Variants in KHDRBS2 observed in about 807,000 individuals in gnomAD.
KHDRBS2 encodes the protein KH RNA binding domain containing, signal transduction associated 2, also known as KH domain-containing, RNA-binding, signal transduction-associated protein 2.
Under a neutral mutation model 44.3 loss-of-function variants are expected in KHDRBS2, and 26 were observed. The observed-to-expected ratio is 0.59, with a 90% CI of 0.43 to 0.81. The LOEUF is 0.81. KHDRBS2 is among the 40% of genes least tolerant of loss of function. KHDRBS2 has a pLI of 0.00. For synonymous variants in KHDRBS2, 194 were observed against 151.1 expected (o/e 1.28, Z -2.08); for missense variants, 476 against 433.1 (o/e 1.10, Z -0.88).
chr6:62,208,603 G>A (rs1828456481), intron 1 of KHDRBS2, among the ~76,000 whole-genome samples: 1 of 151,988 alleles, frequency 6.6e-6, no homozygotes, highest in South Asian at 2.1e-4. Flanking sequence ...ATTCAGAAGG[G>A]GGCTTGCTGG....
chr6:61,836,313 A>C (rs1792657780), intron 6 of KHDRBS2, among the ~76,000 whole-genome samples: 1 of 152,150 alleles, frequency 6.6e-6, no homozygotes, highest in African/African-American at 2.4e-5. Context: ...TGTATTCCAT[A>C]AACACACGCA....
the KHDRBS2 span, among the ~76,000 whole-genome samples, chr6:61,551,016 T>C: frequency 2.0e-5 from 3 of 152,132 alleles, no homozygotes; most frequent in Admixed American, 1.3e-4. Flanking sequence ...TCGAGTGATA[T>C]GCCTATTGCG....
chr6:61,803,441 T>C (rs1786611691), intron 6 of KHDRBS2, among the ~76,000 whole-genome samples: 1 of 152,182 alleles, frequency 6.6e-6, no homozygotes, highest in Admixed American at 6.6e-5. Flanking sequence ...TATATATTTG[T>C]ATACTTTCAA....
chr6:62,152,331 A>G (rs1350338158), intron 2 of KHDRBS2, among the ~76,000 whole-genome samples: 1 of 152,172 alleles, frequency 6.6e-6, no homozygotes, highest in Non-Finnish European at 1.5e-5. Flanking sequence ...AACAAAAACA[A>G]AAAACAAACA....
chr6:61,627,229 G>T, the KHDRBS2 span, among the ~76,000 whole-genome samples: 1 of 126,544 alleles, frequency 7.9e-6, no homozygotes, highest in African/African-American at 3.1e-5. Flanking sequence ...CTCCAGCCTG[G>T]GCGACAGAGC....
the KHDRBS2 span, among the ~76,000 whole-genome samples, chr6:61,624,406 T>C: frequency 6.6e-6 from 1 of 152,208 alleles, no homozygotes; most frequent in East Asian, 1.9e-4. Context: ...TACATTGGTG[T>C]TGTTCCTTTC....
intron 2 of KHDRBS2, among the ~76,000 whole-genome samples, chr6:62,073,865 C>T (rs1795804830): frequency 6.6e-6 from 1 of 151,708 alleles, no homozygotes; most frequent in Admixed American, 6.6e-5. Flanking sequence ...ACTCTCTATT[C>T]CAAATAAAGT....
intron 2 of KHDRBS2, among the ~76,000 whole-genome samples, chr6:62,145,626 A>T (rs1427264689): frequency 2.0e-5 from 3 of 151,854 alleles, no homozygotes; most frequent in Admixed American, 6.6e-5. Flanking sequence ...TTAGCTATTA[A>T]TTCTAGTTTA....
At chr6:62,066,250 T>C (rs1170728386) in intron 2 of KHDRBS2, among the ~76,000 whole-genome samples, 1 of 151,736 alleles carries the variant, frequency 6.6e-6, no homozygotes, top group Admixed American at 6.6e-5. Flanking sequence ...AAAATGTTTC[T>C]AGAGTTCTAT....
intron 6 of KHDRBS2, among the ~76,000 whole-genome samples, chr6:61,761,901 A>G (rs1779324628): frequency 6.6e-6 from 1 of 152,158 alleles, no homozygotes; most frequent in African/African-American, 2.4e-5. Flanking sequence ...ATTTTCTGTA[A>G]TATCTGTTAT....
chr6:61,976,032 C>T (rs1772574373), intron 4 of KHDRBS2, among the ~76,000 whole-genome samples: 1 of 152,156 alleles, frequency 6.6e-6, no homozygotes, highest in Non-Finnish European at 1.5e-5. Context: ...AGAAGTTAGA[C>T]ATACAAGATG....
intron 4 of KHDRBS2, among the ~76,000 whole-genome samples, chr6:61,945,111 A>ATAT (rs1242129681): frequency 2.6e-5 from 1 of 37,776 alleles, no homozygotes; most frequent in Non-Finnish European, 4.4e-5. Flanking sequence ...AAAAAAAAAA[A>ATAT]AGTATATATA....
At chr6:62,101,303 G>C (rs1212362001) in intron 2 of KHDRBS2, among the ~76,000 whole-genome samples, 1 of 151,966 alleles carries the variant, frequency 6.6e-6, no homozygotes, top group Non-Finnish European at 1.5e-5. Context: ...TTGCAGCAGT[G>C]GATGCTGCAA....
chr6:61,629,555 A>G, the KHDRBS2 span, among the ~76,000 whole-genome samples: 1 of 152,192 alleles, frequency 6.6e-6, no homozygotes, highest in Admixed American at 6.5e-5. Context: ...CCCTGGTTTG[A>G]GAAAACACAA....
At chr6:61,650,328 A>C in the KHDRBS2 span, among the ~76,000 whole-genome samples, 4 of 151,436 alleles carry the variant, frequency 2.6e-5, no homozygotes, top group Non-Finnish European at 5.9e-5. Context: ...TGTTTTGTTT[A>C]TTGCTCCAAA....
intron 3 of KHDRBS2, among the ~76,000 whole-genome samples, chr6:62,016,149 C>G (rs1434692541): frequency 6.6e-6 from 1 of 152,016 alleles, no homozygotes; most frequent in African/African-American, 2.4e-5. Context: ...ATTTTAGTTT[C>G]TAGTGGTTCT....
the KHDRBS2 span, among the ~76,000 whole-genome samples, chr6:61,638,308 G>A: frequency 1.3e-5 from 2 of 151,872 alleles, no homozygotes; most frequent in Non-Finnish European, 2.9e-5. Context: ...CCAAAACAGA[G>A]ATATAGATCA....
intron 6 of KHDRBS2, among the ~76,000 whole-genome samples, chr6:61,774,734 C>A (rs1284679640): frequency 6.6e-6 from 1 of 152,130 alleles, no homozygotes; most frequent in African/African-American, 2.4e-5. Context: ...TGGTAGCATT[C>A]CTTCTGAAAC....
At chr6:61,787,628 C>A (rs1482990217) in intron 6 of KHDRBS2, among the ~76,000 whole-genome samples, 4 of 151,530 alleles carry the variant, frequency 2.6e-5, no homozygotes, top group African/African-American at 9.7e-5. Flanking sequence ...GTAAATTGCT[C>A]TGACCCATTA....
Sources: allele counts gnomAD v4.1 joint callset (sites outside exome capture counted in the v4.1 genomes callset), GRCh38; gene constraint gnomAD v4.1.1; transcripts MANE v1.5; gene names NCBI Gene and HGNC (gene_info 2026-07-23, HGNC 2026-07-21).